DNAJA3: variants seen among roughly 807,000 people sequenced by gnomAD.
DNAJA3 encodes the protein DnaJ heat shock protein family (Hsp40) member A3.
DNAJA3 carries 29 observed loss-of-function variants against 54.9 expected under a neutral mutation model. The observed-to-expected ratio is 0.53, with a 90% CI of 0.39 to 0.72. DNAJA3 has a LOEUF of 0.72. Ranked by LOEUF, DNAJA3 falls within the 30% of genes least tolerant of loss-of-function variation. DNAJA3 has a pLI of 0.00. For synonymous variants in DNAJA3, 302 were observed against 251.4 expected (o/e 1.20, Z -1.90); for missense variants, 708 against 639.4 (o/e 1.11, Z -1.16).
chr16:4,450,600 C>G (rs986441221), intron 10 of DNAJA3, 103 bp downstream of exon 10: 2 of 867,722 alleles, frequency 2.3e-6, no homozygotes, highest in Non-Finnish European at 3.5e-6. Context: ...TCGGGTTCTT[C>G]ATGAAGCCTT....
Position 4,455,549 on chromosome 16 carries a change from A to G in DNAJA3, c.*17A>G. 6.4e-7 allele frequency: 1 copy of G among 1,551,834 alleles called. No individual in the cohort carries two copies. The highest frequency in any genetic ancestry group is 8.7e-7 in the Non-Finnish European group (1 of 1,146,992). Reference sequence around the variant, plus strand: ...ACAGCCTATCTCTTTGGCTCAGGAAAAAGATCCACTGGAAACTAGGCCGGG... The same window carrying G: ...ACAGCCTATCTCTTTGGCTCAGGAAGAAGATCCACTGGAAACTAGGCCGGG... On this transcript the variant is annotated 3_prime_UTR_variant, in exon 12 of 12. Coordinates refer to ENST00000262375, the MANE Select transcript of DNAJA3 (RefSeq NM_005147.6).
At chr16:4,434,096 CA>C in intron 1 of DNAJA3, 1 of 347,360 alleles carries the variant, frequency 2.9e-6, no homozygotes, top group South Asian at 3.7e-5. Context: ...GAAGAATGAG[CA>C]AAAGGGTGAG....
chr16:4,426,394 T>C (rs1215681621), intron 1 of DNAJA3, among the ~76,000 whole-genome samples: 1 of 152,156 alleles, frequency 6.6e-6, no homozygotes, highest in Non-Finnish European at 1.5e-5. Flanking sequence ...TCCTTTCCCA[T>C]CTCTCCACCT....
chr16:4,450,318 C>A, intron 9 of DNAJA3, 82 bp from the exon 10 acceptor site: 2 of 1,168,188 alleles, frequency 1.7e-6, no homozygotes, highest in South Asian at 1.4e-5. Context: ...TTCCCATGTG[C>A]TGCGAGGGTG....
At chr16:4,441,664 G>T in intron 4 of DNAJA3, 89 bp downstream of exon 4, 1 of 1,373,152 alleles carries the variant, frequency 7.3e-7, no homozygotes, top group Non-Finnish European at 1.0e-6. Context: ...TCTCAGAAAG[G>T]CAAGGCAGCT....
chr16:4,435,829 T>C (rs2056766528), intron 2 of DNAJA3, among the ~76,000 whole-genome samples: 3 of 152,238 alleles, frequency 2.0e-5, no homozygotes, highest in African/African-American at 4.8e-5. Context: ...TTCAGTTCTC[T>C]TGGATATTTA....
chr16:4,437,640 A>G, intron 3 of DNAJA3, 155 bp downstream of exon 3: 1 of 628,828 alleles, frequency 1.6e-6, no homozygotes, highest in African/African-American at 1.8e-5. Flanking sequence ...ATAAAAAAAA[A>G]GAGATTCCAG....
chr16:4,426,088 T>C lies in DNAJA3; in HGVS notation c.207T>C (p.Leu69=), dbSNP rs1139652. 1,153,888 of 1,584,370 alleles carry C rather than the reference T, an allele frequency of 0.73. 422,601 individuals are homozygous for C. The highest frequency in any genetic ancestry group is 0.75 in the Non-Finnish European group (873,854 of 1,165,298). ...ALLTLRPGVS[L]TGTKHNPFIC... Reference sequence around the variant, plus strand: ...TGACATTGAGACCTGGTGTCAGCCTTACAGGTGAGGGCAGGTTCCAACTTC... The same window carrying C: ...TGACATTGAGACCTGGTGTCAGCCTCACAGGTGAGGGCAGGTTCCAACTTC... The change falls in exon 1 of 12, where the codon CTT becomes CTC. Residue 69 remains leucine (L), a synonymous_variant. Transcript: ENST00000262375.
chr16:4,433,624 G>C (rs985615037), intron 1 of DNAJA3, among the ~76,000 whole-genome samples: 2 of 152,178 alleles, frequency 1.3e-5, no homozygotes, highest in African/African-American at 4.8e-5. Flanking sequence ...CTGCAAGATA[G>C]AGGGAAAAGA....
intron 10 of DNAJA3, among the ~76,000 whole-genome samples, chr16:4,453,395 C>G (rs1199573141): frequency 1.3e-5 from 2 of 151,208 alleles, no homozygotes. Context: ...TACTATGTGA[C>G]TTTTTGAGTG....
chr16:4,450,348 T>C (rs2056962213), intron 9 of DNAJA3, 52 bp from the exon 10 acceptor site: 1 of 1,497,232 alleles, frequency 6.7e-7, no homozygotes, highest in East Asian at 2.4e-5. Context: ...TGTGAGTTCT[T>C]TCCAAAGCTT....
chr16:4,438,763 C>T (rs1161916439), intron 3 of DNAJA3, among the ~76,000 whole-genome samples: 1 of 150,668 alleles, frequency 6.6e-6, no homozygotes, highest in Non-Finnish European at 1.5e-5. Context: ...AGGTGCAAGG[C>T]ACCAGACCTG....
Position 4,455,805 on chromosome 16 carries a change from C to G in DNAJA3, c.*273C>G, listed in dbSNP as rs1029384401. 2.7e-5 allele frequency: 16 copies of G among 589,018 alleles called. No homozygotes were observed. Among genetic ancestry groups the G allele is most frequent in the African/African-American group, 2.2e-4 (12 of 53,744 alleles). 36.5% of individuals were successfully genotyped at this position (589,018 alleles called of 1,614,324 possible). On this transcript the variant is annotated 3_prime_UTR_variant, in exon 12 of 12. Coordinates refer to ENST00000262375, the MANE Select transcript of DNAJA3 (RefSeq NM_005147.6). ...GGTAGGTGACGGCCCCTGGCTCAGG[C>G]AGAGGGAGATGGTTAGACTCTTGCA...
intron 10 of DNAJA3, among the ~76,000 whole-genome samples, chr16:4,452,895 G>A (rs1279336204): frequency 6.6e-6 from 1 of 152,038 alleles, no homozygotes; most frequent in Non-Finnish European, 1.5e-5. Flanking sequence ...TGGGTGCCAG[G>A]GCAAGACTCT....
At chr16:4,427,151 C>G (rs2056634588) in intron 1 of DNAJA3, 1 of 152,250 alleles carries the variant, frequency 6.6e-6, no homozygotes, top group South Asian at 2.1e-4. Context: ...CTCCAGACCT[C>G]AGGTGATCCG....
In DNAJA3 at chr16:4,425,954, A is replaced by G; in HGVS notation, c.73A>G (p.Arg25Gly). 1 of 1,571,694 alleles carries G rather than the reference A, an allele frequency of 6.4e-7. No homozygotes were observed. The highest frequency in any genetic ancestry group is 8.6e-7 in the Non-Finnish European group (1 of 1,160,490). The change falls in exon 1 of 12, where the codon AGA (arginine) becomes GGA (glycine). Residue 25 changes from arginine to glycine, a missense_variant. Arg to Gly is a moderately radical substitution (Grantham distance 125). Coordinates refer to ENST00000262375, the MANE Select transcript of DNAJA3 (RefSeq NM_005147.6). ...CCCGCGGCTGCCGGCTATATCGGGT[A>G]GAGGGGCCCGGCCGCCCAGGGAGGG... ...GTPRLPAISG[R>G]GARPPREGVV...
intron 10 of DNAJA3, among the ~76,000 whole-genome samples, chr16:4,454,152 T>C (rs1235956354): frequency 6.6e-6 from 1 of 152,164 alleles, no homozygotes; most frequent in Admixed American, 6.5e-5. Context: ...AGGGATGAGA[T>C]GGAGTGCCTG....
chr16:4,441,948 T>C (rs1001640459), intron 4 of DNAJA3, among the ~76,000 whole-genome samples: 1 of 152,192 alleles, frequency 6.6e-6, no homozygotes, highest in African/African-American at 2.4e-5. Context: ...AGAGAGGGGA[T>C]ATATTTATGA....
chr16:4,425,891 C>G lies in DNAJA3; in HGVS notation c.10C>G (p.Arg4Gly), dbSNP rs770589646. The change falls in exon 1 of 12, where the codon CGG (arginine) becomes GGG (glycine). Residue 4 changes from arginine (R) to glycine (G), a missense_variant. Arg to Gly is a moderately radical substitution (Grantham distance 125). Coordinates refer to ENST00000262375, the MANE Select transcript of DNAJA3 (RefSeq NM_005147.6). ...GAGTCCCCGGGCCAAGATGGCTGCG[C>G]GGTGCTCCACACGCTGGTTGCTGGT... is the stretch of plus-strand genomic sequence containing the variant. MAA[R>G]CSTRWLLVVV... The G allele has an allele frequency of 3.3e-6, 5 of 1,536,196 alleles. No individual in the cohort carries two copies. In the African/African-American group the frequency reaches 5.6e-5, roughly 17 times the overall value.
Sources: gnomAD v4.1 joint callset for allele counts (sites outside exome capture counted in the v4.1 genomes callset) on GRCh38, gnomAD v4.1.1 for gene constraint, MANE v1.5 for transcripts, NCBI Gene and HGNC (gene_info 2026-07-23, HGNC 2026-07-21) for gene names.